EPAS1: variants seen among roughly 807,000 people sequenced by gnomAD.
EPAS1 encodes endothelial PAS domain-containing protein 1.
EPAS1 carries 23 observed loss-of-function variants against 87.9 expected under a neutral mutation model. The ratio of observed to expected loss-of-function variants is 0.26; its 90% CI spans 0.19 to 0.37. The LOEUF (loss-of-function observed/expected upper bound fraction) is 0.37. EPAS1 is among the 10% of genes least tolerant of loss of function. The probability of loss-of-function intolerance (pLI) is 1.00; values close to 1 mark genes in which losing one functional copy is unlikely to be tolerated. For missense variants in EPAS1, 1,138 were observed against 1,120.7 expected, an observed-to-expected ratio of 1.02 and a Z score of -0.22; for synonymous variants, 508 against 444.3, an observed-to-expected ratio of 1.14 and a Z score of -1.80.
intron 1 of EPAS1, among the ~76,000 whole-genome samples, chr2:46,316,421 C>A (rs1683317819): frequency 6.6e-6 from 1 of 152,106 alleles, no homozygotes; most frequent in South Asian, 2.1e-4. Context: ...CTGCCACACC[C>A]AGCTAATTTT....
chr2:46,384,665 G>A lies in EPAS1; in HGVS notation c.*5G>A, dbSNP rs762796835. The A allele has an allele frequency of 7.4e-6, 12 of 1,613,346 alleles. No individual in the cohort carries two copies. In the East Asian group the frequency reaches 2.7e-4, roughly 36 times the overall value. On this transcript the variant is annotated 3_prime_UTR_variant, in exon 16 of 16. Transcript: ENST00000263734. ...GCCCTGGACCAGGCCACCTGAGCCA[G>A]GCCTTCTACCTGGGCAGCACCTCTG...
intron 1 of EPAS1, among the ~76,000 whole-genome samples, chr2:46,318,796 A>T (rs1419900442): frequency 6.6e-6 from 1 of 152,236 alleles, no homozygotes; most frequent in African/African-American, 2.4e-5. Context: ...ATTAATTGTG[A>T]AGCACAATAA....
intron 1 of EPAS1, among the ~76,000 whole-genome samples, chr2:46,345,582 TATAATA>T (rs148653808): frequency 5.3e-5 from 8 of 151,560 alleles, no homozygotes; most frequent in South Asian, 4.2e-4. Flanking sequence ...GTAAATTAGG[TATAATA>T]ATAATAATAA....
chr2:46,322,199 C>T (rs1683467388), intron 1 of EPAS1, among the ~76,000 whole-genome samples: 1 of 152,154 alleles, frequency 6.6e-6, no homozygotes, highest in South Asian at 2.1e-4. Flanking sequence ...CTAATTTCTC[C>T]ACCTGAAACA....
intron 1 of EPAS1, among the ~76,000 whole-genome samples, chr2:46,320,518 T>G (rs1683435182): frequency 6.6e-6 from 1 of 152,238 alleles, no homozygotes; most frequent in Admixed American, 6.5e-5. Context: ...TAGCAGTTTG[T>G]GGGCTAATGG....
At chr2:46,358,899 T>G (rs116142034) in intron 4 of EPAS1, among the ~76,000 whole-genome samples, 572 of 152,236 alleles carry the variant, frequency 3.8e-3, no homozygotes, top group African/African-American at 0.013. Flanking sequence ...CTTTATTCCA[T>G]AGACAATGGG....
chr2:46,353,681 A>G (rs1037960356), intron 2 of EPAS1, among the ~76,000 whole-genome samples: 1 of 152,234 alleles, frequency 6.6e-6, no homozygotes, highest in Non-Finnish European at 1.5e-5. Flanking sequence ...CACCTGGGAC[A>G]TTGCATCATC....
chr2:46,365,515 A>G (rs1008541052), intron 6 of EPAS1, among the ~76,000 whole-genome samples: 4 of 152,222 alleles, frequency 2.6e-5, no homozygotes, highest in African/African-American at 9.7e-5. Context: ...TAATGTCAGT[A>G]AGGAGAACTA....
At chr2:46,369,701 A>G in intron 6 of EPAS1, 126 bp from the exon 7 acceptor site, 1 of 723,230 alleles carries the variant, frequency 1.4e-6, no homozygotes, top group African/African-American at 1.7e-5. Context: ...GTACAACAAG[A>G]AAGTCTGGAT....
intron 2 of EPAS1, 101 bp from the exon 3 acceptor site, chr2:46,356,050 C>T: frequency 4.5e-6 from 6 of 1,332,142 alleles, no homozygotes; most frequent in Non-Finnish European, 6.5e-6. Flanking sequence ...AAAAGTCCAC[C>T]CAATGCCTTT....
intron 1 of EPAS1, among the ~76,000 whole-genome samples, chr2:46,325,770 G>A (rs941140044): frequency 9.2e-5 from 14 of 152,160 alleles, no homozygotes; most frequent in African/African-American, 2.7e-4. Context: ...AAAATTTGGC[G>A]AAAAACTTGA....
intron 6 of EPAS1, among the ~76,000 whole-genome samples, chr2:46,368,679 C>T (rs116819425): frequency 0.023 from 3,437 of 152,190 alleles, 141 homozygotes; most frequent in African/African-American, 0.079. Flanking sequence ...TGTTATTGAT[C>T]CCCTACAAGG....
At chr2:46,303,235 T>C (rs577916072) in intron 1 of EPAS1, among the ~76,000 whole-genome samples, 34 of 152,238 alleles carry the variant, frequency 2.2e-4, no homozygotes, top group African/African-American at 7.9e-4. Context: ...TTTAAGAGTA[T>C]TATGTGTATT....
In EPAS1 at chr2:46,360,791, G is replaced by A. The variant is rs200311731; in HGVS notation, c.573+35G>A. ...CATCAGGCCTGGGTTGGAGTCCCAGGTGTAGGGTAACGGCGGTGCAGGGGA... is the reference window on the plus strand; with the variant it reads ...CATCAGGCCTGGGTTGGAGTCCCAGATGTAGGGTAACGGCGGTGCAGGGGA... On this transcript the variant is annotated intron_variant, in intron 5 of 15. Coordinates refer to ENST00000263734, the MANE Select transcript of EPAS1 (RefSeq NM_001430.5). The surrounding 1 kb of genome is among the most constrained non-coding windows in gnomAD (Gnocchi z 4.5). 1.9e-6 allele frequency: 3 copies of A among 1,613,282 alleles called. No individual in the cohort carries two copies. Among genetic ancestry groups the A allele is most frequent in the East Asian group, 2.2e-5 (1 of 44,892 alleles).
At chr2:46,369,748 TG>T in intron 6 of EPAS1, 78 bp from the exon 7 acceptor site, 1 of 992,648 alleles carries the variant, frequency 1.0e-6, no homozygotes, top group Non-Finnish European at 1.6e-6. Context: ...ATTTGCCTTC[TG>T]GGGTTAGCTC....
At chr2:46,366,154 A>G (rs1182339449) in intron 6 of EPAS1, among the ~76,000 whole-genome samples, 1 of 152,228 alleles carries the variant, frequency 6.6e-6, no homozygotes, top group African/African-American at 2.4e-5. Context: ...GGTGCTGGCG[A>G]TTACATGCGG....
intron 6 of EPAS1, among the ~76,000 whole-genome samples, chr2:46,367,783 G>C (rs1684534202): frequency 6.6e-6 from 1 of 152,138 alleles, no homozygotes; most frequent in Non-Finnish European, 1.5e-5. Flanking sequence ...TTTGACAAAG[G>C]CTTTAACCCC....
At chr2:46,339,070 C>T (rs186040381) in intron 1 of EPAS1, among the ~76,000 whole-genome samples, 115 of 152,206 alleles carry the variant, frequency 7.6e-4, no homozygotes, top group African/African-American at 2.3e-3. Context: ...GAAACCATAA[C>T]GAAAAGCAAT....
intron 15 of EPAS1, among the ~76,000 whole-genome samples, chr2:46,383,086 T>G (rs1684939171): frequency 6.6e-6 from 1 of 152,212 alleles, no homozygotes; most frequent in Admixed American, 6.5e-5. Context: ...ATGAGCTTGC[T>G]GCGTGGAGAA....
Sources: gnomAD v4.1 joint callset for allele counts (sites outside exome capture counted in the v4.1 genomes callset) on GRCh38, gnomAD v4.1.1 for gene constraint, Gnocchi (gnomAD v3.1) non-coding constraint, MANE v1.5 for transcripts, NCBI Gene and HGNC (gene_info 2026-07-23, HGNC 2026-07-21) for gene names.